The following GALM variants were observed in gnomAD, a reference collection of about 807,000 sequenced individuals.
GALM encodes the protein galactose mutarotase, also known as aldose 1-epimerase.
GALM carries 43 observed loss-of-function variants against 37.4 expected under a neutral mutation model. The observed-to-expected ratio is 1.15, with a 90% CI of 0.90 to 1.48. GALM has a LOEUF of 1.48. GALM is among the 40% of genes most tolerant of loss of function. The pLI, the probability that GALM is intolerant of heterozygous loss-of-function variation, is 0.00. For synonymous variants in GALM, 199 were observed against 170.6 expected (o/e 1.17, Z -1.30); for missense variants, 456 against 419.1 (o/e 1.09, Z -0.77).
intron 4 of GALM, among the ~76,000 whole-genome samples, chr2:38,708,821 G>GT (rs200044281): frequency 0.01 from 1,575 of 151,798 alleles, 35 homozygotes; most frequent in African/African-American, 0.036. Flanking sequence ...TCAAATAACA[G>GT]TTTTTTTTGT....
intron 4 of GALM, among the ~76,000 whole-genome samples, chr2:38,725,728 T>TTC (rs1666473255): frequency 6.6e-6 from 1 of 152,130 alleles, no homozygotes; most frequent in South Asian, 2.1e-4. Flanking sequence ...TTGTTTTGTT[T>TTC]TGTTTTTTTG....
intron 1 of GALM, 137 bp downstream of exon 1, chr2:38,666,488 C>A: frequency 1.6e-6 from 1 of 633,038 alleles, no homozygotes; most frequent in Non-Finnish European, 2.7e-6. Flanking sequence ...CTTGCAAGCG[C>A]ATGCATCATA....
chr2:38,724,801 T>G (rs1666452540), intron 4 of GALM, among the ~76,000 whole-genome samples: 1 of 152,240 alleles, frequency 6.6e-6, no homozygotes, highest in African/African-American at 2.4e-5. Context: ...GCCAGACTCC[T>G]GAAGGTGTTC....
At chr2:38,719,810 C>T (rs1666340359) in intron 4 of GALM, among the ~76,000 whole-genome samples, 1 of 150,612 alleles carries the variant, frequency 6.6e-6, no homozygotes, top group Non-Finnish European at 1.5e-5. Flanking sequence ...TCTGTCACAC[C>T]TCAGAGAACC....
chr2:38,704,662 ACTCTGT>A (rs1666002897), intron 4 of GALM, among the ~76,000 whole-genome samples: 1 of 150,968 alleles, frequency 6.6e-6, no homozygotes, highest in South Asian at 2.1e-4. Context: ...ACACGGCAAG[ACTCTGT>A]CTCCATTAAA....
chr2:38,719,357 C>T (rs910729919), intron 4 of GALM, among the ~76,000 whole-genome samples: 1 of 151,366 alleles, frequency 6.6e-6, no homozygotes, highest in African/African-American at 2.4e-5. Context: ...GTAATCCCAG[C>T]TACTCGGGAG....
chr2:38,729,279 C>G lies in GALM; in HGVS notation c.635-277C>G, dbSNP rs573502835. On this transcript the variant is annotated intron_variant, in intron 4 of 6. Transcript: ENST00000272252. ...CATGGTTCACTGTAGCCTCGACCTCCTGGGCTCAAGCAATCCTCCTGCCTC... is the reference window on the plus strand; with the variant it reads ...CATGGTTCACTGTAGCCTCGACCTCGTGGGCTCAAGCAATCCTCCTGCCTC... 3.9e-5 allele frequency among the ~76,000 whole-genome samples: 6 copies of G among 152,232 alleles called. No individual in the cohort carries two copies. The East Asian group carries it at 1.2e-3, about 29-fold the overall frequency.
At chr2:38,693,096 A>G (rs1433716447) in intron 4 of GALM, among the ~76,000 whole-genome samples, 1 of 152,174 alleles carries the variant, frequency 6.6e-6, no homozygotes, top group Non-Finnish European at 1.5e-5. Context: ...TAGCTGACTC[A>G]CAGGTGTGCC....
intron 1 of GALM, chr2:38,669,402 A>C (rs1665031647): frequency 6.6e-6 from 1 of 152,244 alleles, no homozygotes; most frequent in Non-Finnish European, 1.5e-5. Flanking sequence ...CCTCTCACGC[A>C]GACCCCCTTA....
chr2:38,729,686 T>A lies in GALM; in HGVS notation c.765T>A (p.His255Gln), dbSNP rs759728547. The A allele has an allele frequency of 1.2e-6, 2 of 1,612,702 alleles. No individual in the cohort carries two copies. The highest frequency in any genetic ancestry group is 2.2e-5 in the South Asian group (2 of 90,970). The change falls in exon 5 of 7, where the codon CAT (histidine) becomes CAA (glutamine). Residue 255 changes from histidine to glutamine, a missense_variant. By Grantham distance (24) the His-to-Gln change is conservative. Transcript: ENST00000272252. ...NFCLKGSKEK[H>Q]FCARVHHAAS... ...GTCTGAAGGGATCTAAAGAAAAGCATTTTTGTGCAAGGTCAGGTACTTTTC... is the reference window on the plus strand; with the variant it reads ...GTCTGAAGGGATCTAAAGAAAAGCAATTTTGTGCAAGGTCAGGTACTTTTC...
chr2:38,699,065 C>G (rs1008918893), intron 4 of GALM, among the ~76,000 whole-genome samples: 7 of 152,070 alleles, frequency 4.6e-5, no homozygotes, highest in Non-Finnish European at 8.8e-5. Context: ...AAACGCCCAC[C>G]ACCATGCCCA....
chr2:38,685,829 C>T (rs924947889), intron 3 of GALM, among the ~76,000 whole-genome samples: 12 of 151,816 alleles, frequency 7.9e-5, no homozygotes, highest in South Asian at 2.1e-4. Context: ...GGGATTCTCC[C>T]GCCTCAGCCT....
At chr2:38,703,090 ATATTTTTTTTTTTTTTT>A (rs1665961804) in intron 4 of GALM, among the ~76,000 whole-genome samples, 1 of 6,858 alleles carries the variant, frequency 1.5e-4, no homozygotes, top group Non-Finnish European at 2.6e-4. Context: ...ATATATATAT[ATATTTTTTTTTTTTTTT>A]TTTTTTTTTT....
chr2:38,687,706 G>A (rs1282441101), intron 3 of GALM, among the ~76,000 whole-genome samples: 5 of 149,482 alleles, frequency 3.3e-5, no homozygotes, highest in Admixed American at 6.7e-5. Context: ...GTAAGACTCT[G>A]CCTCCGAAAA....
intron 4 of GALM, among the ~76,000 whole-genome samples, chr2:38,711,051 C>A (rs1283505340): frequency 6.6e-6 from 1 of 152,022 alleles, no homozygotes; most frequent in Non-Finnish European, 1.5e-5. Flanking sequence ...ACTGCACCAG[C>A]CCCTGGTCAT....
chr2:38,711,827 CCACCATCAT>C (rs1405341609), intron 4 of GALM, among the ~76,000 whole-genome samples: 1 of 127,468 alleles, frequency 7.8e-6, no homozygotes, highest in Non-Finnish European at 1.8e-5. Flanking sequence ...ATCACTATCA[CCACCATCAT>C]CACCATCATC....
At chr2:38,673,433 G>A (rs1364834368) in intron 1 of GALM, among the ~76,000 whole-genome samples, 1 of 152,156 alleles carries the variant, frequency 6.6e-6, no homozygotes, top group Non-Finnish European at 1.5e-5. Context: ...AATTTAAAGA[G>A]AAGAAAAGTA....
intron 4 of GALM, among the ~76,000 whole-genome samples, chr2:38,691,964 T>C (rs1340422500): frequency 1.3e-5 from 2 of 152,184 alleles, no homozygotes; most frequent in East Asian, 1.9e-4. Context: ...CCAGTGAAAA[T>C]GTTATCACTA....
intron 4 of GALM, among the ~76,000 whole-genome samples, chr2:38,703,141 C>G (rs1313501201): frequency 1.6e-5 from 1 of 62,136 alleles, no homozygotes; most frequent in African/African-American, 6.6e-5. Context: ...GAGTTTTGCT[C>G]TTGTTGCCCA....
Sources: allele counts gnomAD v4.1 joint callset (sites outside exome capture counted in the v4.1 genomes callset), GRCh38; gene constraint gnomAD v4.1.1; transcripts MANE v1.5; gene names NCBI Gene and HGNC (gene_info 2026-07-23, HGNC 2026-07-21).